The following AFF4 variants were observed in gnomAD, a reference collection of about 807,000 sequenced individuals.
AFF4 encodes AF4/FMR2 family member 4.
AFF4 carries 13 observed loss-of-function variants against 124.8 expected under a neutral mutation model. The ratio of observed to expected loss-of-function variants is 0.10; its 90% CI spans 0.07 to 0.17. The LOEUF (loss-of-function observed/expected upper bound fraction) is 0.17. Ranked by LOEUF, AFF4 falls within the 10% of genes least tolerant of loss-of-function variation. The pLI, the probability that AFF4 is intolerant of heterozygous loss-of-function variation, is 1.00. For missense variants in AFF4, 1,092 were observed against 1,403.8 expected (o/e 0.78, Z 3.55); for synonymous variants, 477 against 496.1 (o/e 0.96, Z 0.51).
At chr5:132,940,365 G>T (rs1321127096) in intron 1 of AFF4, among the ~76,000 whole-genome samples, 1 of 151,430 alleles carries the variant, frequency 6.6e-6, no homozygotes, top group African/African-American at 2.4e-5. Context: ...TCCGGGCGTG[G>T]CGGTGGGCGC....
chr5:132,955,917 ATACTT>A (rs906881273), intron 1 of AFF4, among the ~76,000 whole-genome samples: 5 of 147,206 alleles, frequency 3.4e-5, no homozygotes, highest in Non-Finnish European at 7.5e-5. Flanking sequence ...AATATATACT[ATACTT>A]ACTATATTAT....
intron 5 of AFF4, among the ~76,000 whole-genome samples, chr5:132,926,025 T>C (rs1761162561): frequency 6.6e-6 from 1 of 152,188 alleles, no homozygotes. Context: ...AACTAGGATA[T>C]ATTAACACTA....
intron 3 of AFF4, 44 bp downstream of exon 3, chr5:132,934,103 C>T (rs1230080010): frequency 1.9e-6 from 3 of 1,559,050 alleles, no homozygotes; most frequent in South Asian, 1.2e-5. Context: ...CAGTCAATTG[C>T]TTCACGTAGT....
rs1760412426 is a variant in AFF4, at chr5:132,896,782, C to A, written c.1848G>T (p.Glu616Asp). Reference sequence around the variant, plus strand: ...CTGTAGGTCGAGGGGAAGACTTAGACTCCTTCTTTATATTGGGTTTCCTTG... The same window carrying A: ...CTGTAGGTCGAGGGGAAGACTTAGAATCCTTCTTTATATTGGGTTTCCTTG... Reference protein sequence around the residue: ...KGSRKPNIKKESKSSPRPTAE... With the variant: ...KGSRKPNIKKDSKSSPRPTAE... Residue 616 changes from glutamate to aspartate, a missense_variant, in exon 11 of 21, where the codon GAG becomes GAT. Glu to Asp is a conservative substitution (Grantham distance 45, BLOSUM62 2). This residue lies in a region of AFF4 where 174 missense variants were observed against 205.9 expected (regional missense o/e 0.84). Transcript: ENST00000265343. 5 of 1,614,190 alleles carry A rather than the reference C, an allele frequency of 3.1e-6. No individual in the cohort carries two copies. The highest frequency in any genetic ancestry group is 4.2e-6 in the Non-Finnish European group (5 of 1,180,044).
intron 2 of AFF4, among the ~76,000 whole-genome samples, chr5:132,935,988 C>T (rs1761419536): frequency 6.6e-6 from 1 of 151,704 alleles, no homozygotes; most frequent in Admixed American, 6.6e-5. Context: ...TAAGTTCCAG[C>T]TGGGCACAGT....
chr5:132,919,455 T>C (rs774953511), intron 5 of AFF4, among the ~76,000 whole-genome samples: 13 of 152,218 alleles, frequency 8.5e-5, no homozygotes, highest in Non-Finnish European at 1.5e-4. Context: ...ATTGGATATG[T>C]ACATACAAGA....
chr5:132,925,794 A>G (rs1761157057), intron 5 of AFF4, among the ~76,000 whole-genome samples: 1 of 152,250 alleles, frequency 6.6e-6, no homozygotes, highest in South Asian at 2.1e-4. Flanking sequence ...TACAAGTGGG[A>G]ATACTGGCTG....
At position 132,934,409 on chromosome 5, in the gene AFF4, T is replaced by C; in HGVS notation, c.656A>G (p.Asn219Ser). 1 of 1,614,106 alleles carries C rather than the reference T, an allele frequency of 6.2e-7. No homozygotes were observed. ...RSKSPRDPDA[N>S]WDSPSRVPFS... ...AGGTACACGGGAAGGAGAATCCCAG[T>C]TTGCATCAGGGTCCCGAGGTGATTT... is the stretch of plus-strand genomic sequence containing the variant. Residue 219 changes from asparagine to serine, a missense_variant, in exon 3 of 21, where the codon AAC becomes AGC. Around this residue, in one of 11 missense-constraint regions of AFF4, gnomAD observed 188 missense variants for 203.0 expected, o/e 0.93. Transcript: ENST00000265343.
Position 132,934,204 on chromosome 5 carries a change from C to T in AFF4, c.861G>A (p.Leu287=). The change falls in exon 3 of 21, where the codon CTG becomes CTA. Residue 287 remains leucine (L), a synonymous_variant. Transcript: ENST00000265343. ...TGAGATGTGCTTTGCTGCTGGGCTT[C>T]AGCTCAGTCATGCTGTTGCCATGGG... ...SQSHGNSMTE[L]KPSSKAHLTK... is the part of the protein sequence containing the mutation. 1 of 1,614,170 alleles carries T rather than the reference C, an allele frequency of 6.2e-7. No individual in the cohort carries two copies. Among genetic ancestry groups the T allele is most frequent in the Non-Finnish European group, 8.5e-7 (1 of 1,180,032 alleles).
rs1461058256 is a variant in AFF4, at chr5:132,879,270, G to T, written c.*1789C>A. On this transcript the variant is annotated 3_prime_UTR_variant, in exon 21 of 21. Coordinates refer to ENST00000265343, the MANE Select transcript of AFF4 (RefSeq NM_014423.4). Reference sequence around the variant, plus strand: ...AGTGTAAAAAAGTCTCAAACACAAAGGATTCACTGCACTACTGGACTTGAA... The same window carrying T: ...AGTGTAAAAAAGTCTCAAACACAAATGATTCACTGCACTACTGGACTTGAA... The T allele has an allele frequency of 9.2e-6, 2 of 218,568 alleles. No individual in the cohort carries two copies. Among genetic ancestry groups the T allele is most frequent in the Non-Finnish European group, 1.8e-5 (2 of 108,730 alleles). The allele number at this position is 218,568 out of a possible 1,614,324, so 13.5% of individuals were successfully genotyped here. A position where few individuals can be genotyped will look rare whatever the true frequency, so the allele number is the denominator to read the frequency against.
chr5:132,928,677 C>G (rs1761235246), intron 4 of AFF4, among the ~76,000 whole-genome samples: 2 of 152,146 alleles, frequency 1.3e-5, no homozygotes, highest in South Asian at 4.2e-4. Flanking sequence ...AATAGAACAC[C>G]AGACATTAAA....
At chr5:132,923,403 C>CAAGG (rs1179833455) in intron 5 of AFF4, among the ~76,000 whole-genome samples, 2 of 150,094 alleles carry the variant, frequency 1.3e-5, no homozygotes, top group Non-Finnish European at 3.0e-5. Context: ...AGAGAGAAAG[C>CAAGG]AAGGAAGGAA....
chr5:132,926,111 A>C (rs959657311), intron 5 of AFF4: 6 of 249,710 alleles, frequency 2.4e-5, no homozygotes, highest in African/African-American at 1.3e-4. Context: ...CTGCTGACTG[A>C]TGAAAGATAC....
intron 1 of AFF4, among the ~76,000 whole-genome samples, chr5:132,947,729 T>A (rs1761733696): frequency 6.6e-6 from 1 of 152,196 alleles, no homozygotes; most frequent in Non-Finnish European, 1.5e-5. Context: ...TTGGCCTCAT[T>A]TGGTAGAATT....
Position 132,878,205 on chromosome 5 carries a change from C to T in AFF4, c.*2854G>A, listed in dbSNP as rs1045784246. ...CCTGAAGGGGAATGCTTCCCACAGCCCAGCCCAGTCTGGCCCAGGCAAGAC... is the reference window on the plus strand; with the variant it reads ...CCTGAAGGGGAATGCTTCCCACAGCTCAGCCCAGTCTGGCCCAGGCAAGAC... On this transcript the variant is annotated 3_prime_UTR_variant, in exon 21 of 21. Transcript: ENST00000265343. 8 of 229,184 alleles carry T rather than the reference C, an allele frequency of 3.5e-5. No homozygotes were observed. The highest frequency in any genetic ancestry group is 1.9e-4 in the East Asian group (3 of 16,152). The allele number at this position is 229,184 out of a possible 1,614,324, so 14.2% of individuals were successfully genotyped here.
intron 18 of AFF4, 78 bp downstream of exon 18, chr5:132,886,232 A>C (rs183701549): frequency 8.1e-7 from 1 of 1,230,972 alleles, no homozygotes; most frequent in Non-Finnish European, 1.2e-6. Flanking sequence ...CATAAACATG[A>C]GGGCAGTTCT....
In AFF4 at chr5:132,935,025, C is replaced by T. The variant is rs58181040; in HGVS notation, c.124-84G>A. On this transcript the variant is annotated intron_variant, in intron 2 of 20. Transcript: ENST00000265343. Reference sequence around the variant, plus strand: ...AATTCTGAACTAATTTTCCAAACTTCGAATGGAAAGGGGCTTTTCAAAGGG... The same window carrying T: ...AATTCTGAACTAATTTTCCAAACTTTGAATGGAAAGGGGCTTTTCAAAGGG... 0.017 allele frequency: 19,592 copies of T among 1,166,224 alleles called. 1,356 individuals are homozygous for T. In the African/African-American group the frequency reaches 0.18, roughly 11 times the overall value. 72.2% of individuals were successfully genotyped at this position (1,166,224 alleles called of 1,614,324 possible). A position where few individuals can be genotyped will look rare whatever the true frequency, so the allele number is the denominator to read the frequency against.
chr5:132,888,978 G>T (rs903199566), intron 14 of AFF4, 101 bp downstream of exon 14: 37 of 1,121,588 alleles, frequency 3.3e-5, no homozygotes, highest in Non-Finnish European at 4.6e-5. Flanking sequence ...TTACAAGCGT[G>T]AGCCACCGCG....
At chr5:132,890,680 A>G (rs1013700080) in intron 13 of AFF4, among the ~76,000 whole-genome samples, 5 of 152,212 alleles carry the variant, frequency 3.3e-5, no homozygotes, top group Non-Finnish European at 5.9e-5. Context: ...AATTGTCAAG[A>G]CTAACAAATA....
Sources: gnomAD v4.1 joint callset for allele counts (sites outside exome capture counted in the v4.1 genomes callset) on GRCh38, gnomAD v4.1.1 for gene constraint, gnomAD v4.1.1 regional missense constraint, MANE v1.5 for transcripts, NCBI Gene and HGNC (gene_info 2026-07-23, HGNC 2026-07-21) for gene names.